FGF14: variants seen among roughly 807,000 people sequenced by gnomAD.
The protein encoded by FGF14 is fibroblast growth factor homologous factor 4.
Under a neutral mutation model 25.5 loss-of-function variants are expected in FGF14, and 5 were observed. The ratio of observed to expected loss-of-function variants is 0.20; its 90% CI spans 0.10 to 0.41. FGF14 has a LOEUF of 0.41. Ranked by LOEUF, FGF14 falls within the 10% of genes least tolerant of loss-of-function variation. The pLI, the probability that FGF14 is intolerant of heterozygous loss-of-function variation, is 1.00. For missense variants in FGF14, 222 were observed against 320.1 expected, an observed-to-expected ratio of 0.69 and a Z score of 2.34; for synonymous variants, 138 against 118.3, an observed-to-expected ratio of 1.17 and a Z score of -1.08.
chr13:102,330,710 C>A (rs2056607940), intron 1 of FGF14, among the ~76,000 whole-genome samples: 1 of 152,094 alleles, frequency 6.6e-6, no homozygotes, highest in East Asian at 1.9e-4. Flanking sequence ...CCACCCTACT[C>A]AAAACTGCAA....
chr13:102,266,495 G>C (rs1395709456), intron 1 of FGF14, among the ~76,000 whole-genome samples: 1 of 151,868 alleles, frequency 6.6e-6, no homozygotes, highest in Non-Finnish European at 1.5e-5. Flanking sequence ...AATACAGGAG[G>C]GAGAGAAAGA....
intron 1 of FGF14, among the ~76,000 whole-genome samples, chr13:102,145,178 C>G (rs1566741743): frequency 1.3e-5 from 2 of 152,134 alleles, no homozygotes; most frequent in South Asian, 4.1e-4. Flanking sequence ...GGAGGTTGAG[C>G]CCTCCTTAGC....
intron 1 of FGF14, among the ~76,000 whole-genome samples, chr13:102,076,123 G>A (rs2043351593): frequency 6.6e-6 from 1 of 152,104 alleles, no homozygotes; most frequent in South Asian, 2.1e-4. Flanking sequence ...TGCAACCTAT[G>A]TGTACAGTGA....
intron 1 of FGF14, among the ~76,000 whole-genome samples, chr13:102,398,788 A>G (rs1441583700): frequency 6.6e-6 from 1 of 151,430 alleles, no homozygotes; most frequent in African/African-American, 2.4e-5. Flanking sequence ...ATGGCTTGGC[A>G]TGGGTTCGAT....
Position 101,771,126 on chromosome 13 carries a change from G to A in FGF14, c.409-44316C>T, listed in dbSNP as rs74122659. On this transcript the variant is annotated intron_variant, in intron 3 of 4. Coordinates refer to ENST00000376143, the MANE Select transcript of FGF14 (RefSeq NM_004115.4). The stretch of plus-strand genomic sequence containing the variant: ...AATATCTTAGCATGGGGGCTGTAGT[G>A]CAGAAGGATGTTTGGTGCAAATCAG... 5.9e-3 allele frequency among the ~76,000 whole-genome samples: 893 copies of A among 152,126 alleles called. 13 individuals carry two copies. The highest frequency in any genetic ancestry group is 0.021 in the African/African-American group (863 of 41,532).
intron 3 of FGF14, among the ~76,000 whole-genome samples, chr13:101,841,326 G>A (rs4772418): frequency 0.14 from 21,594 of 151,790 alleles, 1,792 homozygotes; most frequent in East Asian, 0.3. Flanking sequence ...CGATTGAACT[G>A]AAAAAAGTAA....
chr13:101,858,580 A>G (rs575092098), intron 3 of FGF14, among the ~76,000 whole-genome samples: 67 of 152,078 alleles, frequency 4.4e-4, no homozygotes, highest in African/African-American at 1.5e-3. Context: ...TTCACCATCT[A>G]CCACCTACCA....
intron 1 of FGF14, among the ~76,000 whole-genome samples, chr13:101,948,152 C>T (rs1349293642): frequency 6.6e-6 from 1 of 152,150 alleles, no homozygotes; most frequent in Non-Finnish European, 1.5e-5. Flanking sequence ...ATAGTAAATG[C>T]TAAGGTGAAG....
chr13:101,909,663 C>T (rs1312666243), intron 1 of FGF14, among the ~76,000 whole-genome samples: 2 of 152,152 alleles, frequency 1.3e-5, no homozygotes, highest in African/African-American at 2.4e-5. Flanking sequence ...ACTAGTTCAA[C>T]CATTGTGGAA....
intron 1 of FGF14, among the ~76,000 whole-genome samples, chr13:102,178,938 C>A (rs1019940361): frequency 6.6e-6 from 1 of 151,970 alleles, no homozygotes; most frequent in Admixed American, 6.6e-5. Context: ...CATTGGGGAA[C>A]CTGATATTGT....
chr13:101,787,620 A>G (rs555267939), intron 3 of FGF14, among the ~76,000 whole-genome samples: 1 of 152,148 alleles, frequency 6.6e-6, no homozygotes, highest in African/African-American at 2.4e-5. Context: ...GCCTCTCCTC[A>G]GAGCATGTCA....
intron 1 of FGF14, among the ~76,000 whole-genome samples, chr13:101,884,498 C>T (rs773879033): frequency 7.9e-5 from 12 of 151,936 alleles, no homozygotes; most frequent in Non-Finnish European, 1.8e-4. Flanking sequence ...GGTTGCTGTC[C>T]CTTTGGTCAC....
intron 1 of FGF14, among the ~76,000 whole-genome samples, chr13:102,323,106 T>A (rs988420106): frequency 1.3e-5 from 2 of 152,204 alleles, no homozygotes; most frequent in African/African-American, 4.8e-5. Flanking sequence ...GTTTCCATTT[T>A]TGCCCAAGTG....
intron 1 of FGF14, among the ~76,000 whole-genome samples, chr13:102,257,473 G>A (rs777629356): frequency 6.9e-6 from 1 of 144,118 alleles, no homozygotes; most frequent in Non-Finnish European, 1.5e-5. Flanking sequence ...TGCCCCAGGA[G>A]CCTGAGTAGT....
At chr13:102,303,205 T>C (rs2055169658) in intron 1 of FGF14, among the ~76,000 whole-genome samples, 4 of 152,180 alleles carry the variant, frequency 2.6e-5, no homozygotes, top group Admixed American at 2.6e-4. Context: ...GTATGCTCTT[T>C]CTGCCACTCT....
At chr13:102,372,500 G>T (rs1039962322) in intron 1 of FGF14, among the ~76,000 whole-genome samples, 1 of 152,074 alleles carries the variant, frequency 6.6e-6, no homozygotes, top group Non-Finnish European at 1.5e-5. Context: ...CCACTAGAAA[G>T]GCTAGCTTTC....
At position 101,904,535 on chromosome 13, in the gene FGF14, A is replaced by G. The variant is rs551199708; in HGVS notation, c.193+11918T>C. Among the ~76,000 whole-genome samples the G allele has an allele frequency of 3.9e-5, 6 of 152,340 alleles. No individual in the cohort carries two copies. The East Asian group carries it at 1.2e-3, about 29-fold the overall frequency. ...CTGTTTCCTTTTTTAAAAAGTGAAC[A>G]AATAGAAAGACTTAGCTTGTAAACG... On this transcript the variant is annotated intron_variant, in intron 1 of 4. Transcript: ENST00000376143.
At chr13:101,744,095 G>GT (rs768489398) in intron 3 of FGF14, among the ~76,000 whole-genome samples, 11 of 152,138 alleles carry the variant, frequency 7.2e-5, no homozygotes, top group Non-Finnish European at 1.6e-4. Flanking sequence ...GATTAATTCA[G>GT]TAACATTTGC....
intron 1 of FGF14, among the ~76,000 whole-genome samples, chr13:102,358,664 T>C (rs2057482385): frequency 6.6e-6 from 1 of 152,238 alleles, no homozygotes; most frequent in Non-Finnish European, 1.5e-5. Context: ...AAAACCATTC[T>C]CTGCATGGAC....
Sources: gnomAD v4.1 joint callset for allele counts (sites outside exome capture counted in the v4.1 genomes callset) on GRCh38, gnomAD v4.1.1 for gene constraint, MANE v1.5 for transcripts, NCBI Gene and HGNC (gene_info 2026-07-23, HGNC 2026-07-21) for gene names.